The following FBRSL1 variants were observed in gnomAD, a reference collection of about 807,000 sequenced individuals.
FBRSL1 encodes fibrosin-1-like protein.
In FBRSL1, 51 loss-of-function variants were observed where a neutral mutation model predicts 89.6. That is an observed-to-expected ratio of 0.57 (90% confidence interval 0.45 to 0.72). FBRSL1 has a LOEUF of 0.72. Ranked by LOEUF, FBRSL1 falls within the 30% of genes least tolerant of loss-of-function variation. FBRSL1 has a pLI of 0.00. For synonymous variants in FBRSL1, 779 were observed against 681.1 expected (o/e 1.14, Z -2.24); for missense variants, 1,618 against 1,451.8 (o/e 1.11, Z -1.86).
intron 4 of FBRSL1, among the ~76,000 whole-genome samples, chr12:132,533,782 G>A (rs993748780): frequency 1.1e-4 from 16 of 152,378 alleles, no homozygotes; most frequent in South Asian, 8.3e-4. Context: ...TGAGGAGCAC[G>A]TCACACAGGG....
intron 1 of FBRSL1, among the ~76,000 whole-genome samples, chr12:132,504,611 G>C (rs907768311): frequency 2.0e-5 from 3 of 152,088 alleles, no homozygotes; most frequent in Non-Finnish European, 4.4e-5. Flanking sequence ...GCACACCTGT[G>C]GGGGGTTCAA....
intron 10 of FBRSL1, 51 bp from the exon 11 acceptor site, chr12:132,572,476 G>T: frequency 6.7e-7 from 1 of 1,501,150 alleles, no homozygotes; most frequent in South Asian, 1.2e-5. Context: ...ACAGGCAGAG[G>T]GTGGGGTGAG....
Position 132,581,448 on chromosome 12 carries a change from A to T in FBRSL1, c.1844A>T (p.His615Leu). Reference sequence around the variant, plus strand: ...TGGCTGCCCCCCCCAGGTGCCGCCCATCCTGCCTCCAACCCATTTGGACCC... The same window carrying T: ...TGGCTGCCCCCCCCAGGTGCCGCCCTTCCTGCCTCCAACCCATTTGGACCC... Reference protein sequence around the residue: ...RPLFPSTGAAHPASNPFGPSA... With the variant: ...RPLFPSTGAALPASNPFGPSA... Residue 615 changes from histidine (H) to leucine (L), a missense_variant, in exon 16 of 19, where the codon CAT (histidine) becomes CTT (leucine). By Grantham distance (99) the His-to-Leu change is moderately conservative. Coordinates refer to ENST00000680143, the MANE Select transcript of FBRSL1 (RefSeq NM_001367871.1). 1 of 1,550,870 alleles carries T rather than the reference A, an allele frequency of 6.4e-7. No individual in the cohort carries two copies. The highest frequency in any genetic ancestry group is 8.7e-7 in the Non-Finnish European group (1 of 1,146,882).
At chr12:132,509,399 C>T (rs2034063195) in intron 2 of FBRSL1, 15 of 1,242,434 alleles carry the variant, frequency 1.2e-5, no homozygotes, top group Non-Finnish European at 1.5e-5. Context: ...CCTGCCAGCC[C>T]CGGCGGTCAC....
At chr12:132,544,382 G>A (rs963532522) in intron 4 of FBRSL1, among the ~76,000 whole-genome samples, 5 of 152,150 alleles carry the variant, frequency 3.3e-5, no homozygotes, top group Non-Finnish European at 5.9e-5. Context: ...GGGTCTCCTC[G>A]TGGCTACAGG....
chr12:132,558,040 C>T (rs1329238655), intron 5 of FBRSL1, among the ~76,000 whole-genome samples: 10 of 149,312 alleles, frequency 6.7e-5, no homozygotes, highest in Admixed American at 4.0e-4. Context: ...TCCCCCCGCC[C>T]GTTCCCTCTC....
At chr12:132,507,095 C>G in intron 1 of FBRSL1, 1 of 648,334 alleles carries the variant, frequency 1.5e-6, no homozygotes, top group Middle Eastern at 7.6e-4. Flanking sequence ...GGTCCTTCTC[C>G]CCAGGGACAC....
intron 4 of FBRSL1, 114 bp downstream of exon 4, chr12:132,528,102 T>C (rs1289994915): frequency 2.1e-6 from 2 of 943,092 alleles, no homozygotes; most frequent in African/African-American, 3.3e-5. Flanking sequence ...CCGTGCCCGC[T>C]TTCCCTCTGG....
chr12:132,511,961 G>A (rs1046147190), intron 2 of FBRSL1: 3 of 985,172 alleles, frequency 3.0e-6, no homozygotes, highest in African/African-American at 1.7e-5. Flanking sequence ...CAGCATCAGC[G>A]TTTGTAATTT....
At chr12:132,566,989 G>A (rs568519790) in intron 5 of FBRSL1, among the ~76,000 whole-genome samples, 12 of 152,334 alleles carry the variant, frequency 7.9e-5, no homozygotes, top group Middle Eastern at 3.4e-3. Context: ...CAGCCTGGTC[G>A]GTATCCTGGT....
At chr12:132,528,028 G>A in intron 4 of FBRSL1, 40 bp downstream of exon 4, 1 of 1,542,832 alleles carries the variant, frequency 6.5e-7, no homozygotes, top group Non-Finnish European at 8.8e-7. Flanking sequence ...TTGTCCCCCT[G>A]GGGCCTTAGG....
intron 4 of FBRSL1, among the ~76,000 whole-genome samples, chr12:132,547,679 G>A (rs1310831783): frequency 5.9e-5 from 9 of 152,196 alleles, no homozygotes; most frequent in African/African-American, 1.4e-4. Flanking sequence ...CTTCATGGCC[G>A]CCCTGCTCTG....
At chr12:132,492,346 G>A (rs144232386) in intron 1 of FBRSL1, among the ~76,000 whole-genome samples, 250 of 152,214 alleles carry the variant, frequency 1.6e-3, no homozygotes, top group Middle Eastern at 3.4e-3. Flanking sequence ...CACCCCCGTC[G>A]ACGTTGCCCA....
rs79966568 is a variant in FBRSL1 at position 132,530,571 on chromosome 12, C to T, written c.615+2583C>T. 9.1e-3 allele frequency among the ~76,000 whole-genome samples: 1,385 copies of T among 152,040 alleles called. 24 individuals are homozygous for T. The highest frequency in any genetic ancestry group is 0.032 in the African/African-American group (1,318 of 41,476). On this transcript the variant is annotated intron_variant, in intron 4 of 18. Coordinates refer to ENST00000680143, the MANE Select transcript of FBRSL1 (RefSeq NM_001367871.1). Reference sequence around the variant, plus strand: ...CTCTCTGCCCTGAGCCACTGGGTGCCCTTCTGCTTCTGGGTCTCCACTCAT... The same window carrying T: ...CTCTCTGCCCTGAGCCACTGGGTGCTCTTCTGCTTCTGGGTCTCCACTCAT...
chr12:132,536,597 T>C (rs2036768620), intron 4 of FBRSL1, among the ~76,000 whole-genome samples: 1 of 152,010 alleles, frequency 6.6e-6, no homozygotes, highest in South Asian at 2.1e-4. Flanking sequence ...AGTGCACGTG[T>C]ACATGACGGT....
At chr12:132,532,489 G>GC (rs375117189) in intron 4 of FBRSL1, among the ~76,000 whole-genome samples, 3 of 152,106 alleles carry the variant, frequency 2.0e-5, no homozygotes, top group East Asian at 1.9e-4. Context: ...CTTGGCCACA[G>GC]CCCCCCCAGG....
intron 5 of FBRSL1, chr12:132,565,221 A>G (rs987269253): frequency 1.3e-5 from 2 of 152,280 alleles, no homozygotes; most frequent in Admixed American, 6.5e-5. Flanking sequence ...AAGTGTTACC[A>G]GAATGCAGTC....
chr12:132,572,143 AG>A, intron 9 of FBRSL1, 144 bp from the exon 10 acceptor site: 1 of 672,882 alleles, frequency 1.5e-6, no homozygotes, highest in East Asian at 2.7e-5. Context: ...GCTCTAGAGG[AG>A]CCTGGGACGG....
chr12:132,556,420 G>A (rs1441308231), intron 5 of FBRSL1, among the ~76,000 whole-genome samples: 1 of 152,026 alleles, frequency 6.6e-6, no homozygotes, highest in African/African-American at 2.4e-5. Context: ...CCCACGCCAC[G>A]ACTCAAGGCC....
Sources: allele counts gnomAD v4.1 joint callset (sites outside exome capture counted in the v4.1 genomes callset), GRCh38; gene constraint gnomAD v4.1.1; transcripts MANE v1.5; gene names NCBI Gene and HGNC (gene_info 2026-07-23, HGNC 2026-07-21).